Variants in ZMYND15 observed in about 807,000 individuals in gnomAD.
The protein encoded by ZMYND15 is zinc finger MYND domain-containing protein 15.
In ZMYND15, 54 loss-of-function variants were observed where a neutral mutation model predicts 81.7. The observed-to-expected ratio is 0.66, with a 90% CI of 0.53 to 0.83. The LOEUF (loss-of-function observed/expected upper bound fraction) is 0.83. Ranked by LOEUF, ZMYND15 falls within the 40% of genes least tolerant of loss-of-function variation. The probability of loss-of-function intolerance (pLI) is 0.00; values close to 1 mark genes in which losing one functional copy is unlikely to be tolerated. For missense variants in ZMYND15, 925 were observed against 973.5 expected (o/e 0.95, Z 0.66); for synonymous variants, 399 against 387.0 (o/e 1.03, Z -0.36).
rs754376043 is a variant in ZMYND15, at chr17:4,744,200, C to G, written c.1506C>G (p.Leu502=). 2 of 1,613,978 alleles carry G rather than the reference C, an allele frequency of 1.2e-6. No individual in the cohort carries two copies. The highest frequency in any genetic ancestry group is 1.3e-5 in the African/African-American group (1 of 74,894). The part of the protein sequence containing the change: ...THLVPQSFPE[L]NIQNKQSLKI... ...TGGTTTTTCACCCAGTCCCTGAGCTCAACATCCAAAACAAACAGTCACTGA... is the reference window on the plus strand; with the variant it reads ...TGGTTTTTCACCCAGTCCCTGAGCTGAACATCCAAAACAAACAGTCACTGA... The change falls in exon 9 of 14, where the codon CTC becomes CTG. Residue 502 remains leucine, a synonymous_variant. Transcript: ENST00000433935. This position sits in a 1 kb window ranked among gnomAD's most constrained non-coding sequence, Gnocchi z 4.1.
At chr17:4,741,472 A>T in intron 2 of ZMYND15, 110 bp from the exon 3 acceptor site, 1 of 1,206,364 alleles carries the variant, frequency 8.3e-7, no homozygotes, top group Non-Finnish European at 1.2e-6. Context: ...CCCTTTACTC[A>T]GTGAGGTTAC....
Position 4,740,458 on chromosome 17 carries a change from C to T in ZMYND15, c.-30-61C>T, listed in dbSNP as rs146442451. The T allele has an allele frequency of 3.9e-3, 5,562 of 1,444,310 alleles. 7 individuals are homozygous for T. The highest frequency in any genetic ancestry group is 4.6e-3 in the Non-Finnish European group (5,009 of 1,093,348). 89.5% of individuals were successfully genotyped at this position (1,444,310 alleles called of 1,614,324 possible). ...CCTACCCTCTCCCTCAATTTGTGAC[C>T]CAGCCCCAAACTCCATCATTGCTCT... On this transcript the variant is annotated intron_variant, in intron 1 of 13. Transcript: ENST00000433935.
intron 1 of ZMYND15, 90 bp from the exon 2 acceptor site, chr17:4,740,429 C>A: frequency 7.1e-7 from 1 of 1,413,646 alleles, no homozygotes; most frequent in South Asian, 1.7e-5. Context: ...AAGTGACTCT[C>A]AAACCTACCC....
At chr17:4,741,863 T>C in intron 3 of ZMYND15, 47 bp downstream of exon 3, 1 of 1,590,050 alleles carries the variant, frequency 6.3e-7, no homozygotes, top group South Asian at 1.1e-5. Flanking sequence ...GGGCCCTGGA[T>C]TCCCAAGCAC....
In ZMYND15 at chr17:4,743,399, C is replaced by G. The variant is rs200277327; in HGVS notation, c.1241C>G (p.Pro414Arg). Residue 414 changes from proline to arginine, a missense_variant, in exon 6 of 14, where the codon CCG becomes CGG. Physicochemically the swap from Pro to Arg is moderately radical, Grantham distance 103. Coordinates refer to ENST00000433935, the MANE Select transcript of ZMYND15 (RefSeq NM_001136046.3). This position sits in a 1 kb window ranked among gnomAD's most constrained non-coding sequence, Gnocchi z 4.3. ...CAGCTCAGCATGCTGATTCCAGGCCCGGGCTTCTCCAGACACCCCCGAGGC... is the reference window on the plus strand; with the variant it reads ...CAGCTCAGCATGCTGATTCCAGGCCGGGGCTTCTCCAGACACCCCCGAGGC... ...WTQLSMLIPG[P>R]GFSRHPRGNT... 1.2e-6 allele frequency: 2 copies of G among 1,614,074 alleles called. No homozygotes were observed. The highest frequency in any genetic ancestry group is 1.1e-5 in the South Asian group (1 of 91,056).
chr17:4,742,301 C>G (rs1321705363), intron 4 of ZMYND15, 30 bp from the exon 5 acceptor site: 1 of 1,611,066 alleles, frequency 6.2e-7, no homozygotes, highest in Admixed American at 1.7e-5. Context: ...GAGGTTAACA[C>G]TAGGTGCCCA....
rs748919090 is a variant in ZMYND15, at chr17:4,743,467, C to G, written c.1297+12C>G. On this transcript the variant is annotated intron_variant, in intron 6 of 13. Transcript: ENST00000433935. The surrounding 1 kb of genome is among the most constrained non-coding windows in gnomAD (Gnocchi z 4.3). ...CCTTCTTCGCGGTGGTGCGTGGGGT[C>G]TCTCCAGGCATGGGCCCCTTGGCCT... is the stretch of plus-strand genomic sequence containing the variant. 6 of 1,613,432 alleles carry G rather than the reference C, an allele frequency of 3.7e-6. No homozygotes were observed. The South Asian group carries it at 5.5e-5, about 15-fold the overall frequency.
chr17:4,743,422 G>A lies in ZMYND15; in HGVS notation c.1264G>A (p.Gly422Ser), dbSNP rs774808357. 5 of 1,614,000 alleles carry A rather than the reference G, an allele frequency of 3.1e-6. No individual in the cohort carries two copies. The East Asian group carries it at 1.1e-4, about 36-fold the overall frequency. ...PGPGFSRHPR[G>S]NTPSLSLLRG... ...CCCGGGCTTCTCCAGACACCCCCGA[G>A]GCAACACGCCATCCCTCAGCCTTCT... The change falls in exon 6 of 14, where the codon GGC becomes AGC. Residue 422 changes from glycine (G) to serine (S), a missense_variant. Physicochemically the swap from Gly to Ser is moderately conservative, Grantham distance 56. Transcript: ENST00000433935. This position sits in a 1 kb window ranked among gnomAD's most constrained non-coding sequence, Gnocchi z 4.3.
rs951940622 is a variant in ZMYND15, at chr17:4,741,753, C to T, written c.764C>T (p.Pro255Leu). 8 of 1,599,042 alleles carry T rather than the reference C, an allele frequency of 5.0e-6. No homozygotes were observed. The highest frequency in any genetic ancestry group is 6.8e-6 in the Non-Finnish European group (8 of 1,170,864). Reference protein sequence around the residue: ...YALLCHSMACPMGSGDPRKPR... With the variant: ...YALLCHSMACLMGSGDPRKPR... ...CTCCTCTGTCACAGCATGGCCTGTC[C>T]CATGGGCTCTGGGGATCCCCGAAAG... The change falls in exon 3 of 14, where the codon CCC (proline) becomes CTC (leucine). Residue 255 changes from proline to leucine, a missense_variant. Coordinates refer to ENST00000433935, the MANE Select transcript of ZMYND15 (RefSeq NM_001136046.3).
chr17:4,740,006 C>T lies in ZMYND15; in HGVS notation c.-75C>T, dbSNP rs1330388612. 3 of 985,300 alleles carry T rather than the reference C, an allele frequency of 3.0e-6. No individual in the cohort carries two copies. Among genetic ancestry groups the T allele is most frequent in the Non-Finnish European group, 3.6e-6 (3 of 829,970 alleles). 61.0% of individuals were successfully genotyped at this position (985,300 alleles called of 1,614,324 possible). ...GACGTCACAACCGCACCCGCGCACC[C>T]TCCACCGCGAGGTATTTACCTTCGA... On this transcript the variant is annotated 5_prime_UTR_variant, in exon 1 of 14. Transcript: ENST00000433935.
chr17:4,742,060 C>G lies in ZMYND15; in HGVS notation c.973C>G (p.Leu325Val). Reference sequence around the variant, plus strand: ...TCACAGGCACAGCTTTGAAGCGAAGCTGACACCTTGGTGAGCAGCCCCAAA... The same window carrying G: ...TCACAGGCACAGCTTTGAAGCGAAGGTGACACCTTGGTGAGCAGCCCCAAA... Reference protein sequence around the residue: ...VCHRHSFEAKLTPCPQCSAVL... With the variant: ...VCHRHSFEAKVTPCPQCSAVL... Residue 325 changes from leucine (L) to valine (V), a missense_variant, in exon 4 of 14, where the codon CTG becomes GTG. By Grantham distance (32) the Leu-to-Val change is conservative. Transcript: ENST00000433935. The G allele has an allele frequency of 6.2e-7, 1 of 1,614,160 alleles. No homozygotes were observed. Among genetic ancestry groups the G allele is most frequent in the South Asian group, 1.1e-5 (1 of 91,072 alleles).
rs756356618 is a variant in ZMYND15, at chr17:4,743,258, G to A, written c.1145-45G>A. 2 of 1,562,860 alleles carry A rather than the reference G, an allele frequency of 1.3e-6. No individual in the cohort carries two copies. Among genetic ancestry groups the A allele is most frequent in the South Asian group, 1.2e-5 (1 of 84,226 alleles). On this transcript the variant is annotated intron_variant, in intron 5 of 13. Coordinates refer to ENST00000433935, the MANE Select transcript of ZMYND15 (RefSeq NM_001136046.3). The surrounding 1 kb of genome is among the most constrained non-coding windows in gnomAD (Gnocchi z 4.3). ...TGTCTCAAAAAAAAAAAAATGTCTG[G>A]GGTTCTAGCCCAGCACCTCAACTCC...
At position 4,743,710 on chromosome 17, in the gene ZMYND15, G is replaced by A. The variant is rs114708068; in HGVS notation, c.1298-57G>A. 1.2e-3 allele frequency: 1,871 copies of A among 1,529,884 alleles called. 33 individuals carry two copies. The African/African-American group carries it at 0.023, about 19-fold the overall frequency. 94.8% of individuals were successfully genotyped at this position (1,529,884 alleles called of 1,614,324 possible). ...ACAGCCCCTTTGGAAGGAAGAAAGAGATGGGTCAGGTGGGGGTCTCCCTGA... is the reference window on the plus strand; with the variant it reads ...ACAGCCCCTTTGGAAGGAAGAAAGAAATGGGTCAGGTGGGGGTCTCCCTGA... On this transcript the variant is annotated intron_variant, in intron 6 of 13. Transcript: ENST00000433935. This position sits in a 1 kb window ranked among gnomAD's most constrained non-coding sequence, Gnocchi z 4.3.
At position 4,744,269 on chromosome 17, in the gene ZMYND15, G is replaced by T; in HGVS notation, c.1575G>T (p.Met525Ile). 2 of 1,614,028 alleles carry T rather than the reference G, an allele frequency of 1.2e-6. No homozygotes were observed. The highest frequency in any genetic ancestry group is 2.2e-5 in the South Asian group (2 of 91,082). Residue 525 changes from methionine to isoleucine, a missense_variant, in exon 9 of 14, where the codon ATG (methionine) becomes ATT (isoleucine). Transcript: ENST00000433935. The surrounding 1 kb of genome is among the most constrained non-coding windows in gnomAD (Gnocchi z 4.1). The part of the protein sequence containing the change: ...VEAGKEFDLV[M>I]VFWELLVLLP... ...CCGGGAAGGAGTTTGACCTTGTCAT[G>T]GTGTTTTGGGTAAGTCACCCCAGGC...
Position 4,741,605 on chromosome 17 carries a change from T to C in ZMYND15, c.616T>C (p.Cys206Arg). 1 of 1,614,124 alleles carries C rather than the reference T, an allele frequency of 6.2e-7. No homozygotes were observed. The highest frequency in any genetic ancestry group is 1.6e-4 in the Middle Eastern group (1 of 6,062). Residue 206 changes from cysteine to arginine, a missense_variant, in exon 3 of 14, where the codon TGT becomes CGT. Cys to Arg is a radical substitution (Grantham distance 180). Transcript: ENST00000433935. ...RSEAAPLHVS[C>R]LLLVTDEHGT... ...AGAGGCTGCCCCCCTGCACGTTTCCTGTCTCTTACTTGTGACGGATGAGCA... is the reference window on the plus strand; with the variant it reads ...AGAGGCTGCCCCCCTGCACGTTTCCCGTCTCTTACTTGTGACGGATGAGCA...
rs1442633787 is a variant in ZMYND15 at position 4,744,088 on chromosome 17, C to G, written c.1476C>G (p.Thr492=). Residue 492 remains threonine, a synonymous_variant, in exon 8 of 14, where the codon ACC becomes ACG. Coordinates refer to ENST00000433935, the MANE Select transcript of ZMYND15 (RefSeq NM_001136046.3). This position sits in a 1 kb window ranked among gnomAD's most constrained non-coding sequence, Gnocchi z 4.1. ...TYPLTVYYVI[T]HLVPQSFPEL... ...CGCTGACCGTGTACTACGTCATCAC[C>G]CACCTGGTGCCCCAGTCCTGTAAGG... 1.9e-6 allele frequency: 3 copies of G among 1,585,466 alleles called. No individual in the cohort carries two copies. The highest frequency in any genetic ancestry group is 2.6e-6 in the Non-Finnish European group (3 of 1,165,482).
At position 4,744,813 on chromosome 17, in the gene ZMYND15, G is replaced by A; in HGVS notation, c.1837+35G>A. 6.2e-7 allele frequency: 1 copy of A among 1,614,154 alleles called. No individual in the cohort carries two copies. The highest frequency in any genetic ancestry group is 8.5e-7 in the Non-Finnish European group (1 of 1,180,018). On this transcript the variant is annotated intron_variant, in intron 11 of 13. Coordinates refer to ENST00000433935, the MANE Select transcript of ZMYND15 (RefSeq NM_001136046.3). This position sits in a 1 kb window ranked among gnomAD's most constrained non-coding sequence, Gnocchi z 4.1. Reference sequence around the variant, plus strand: ...TGGGTCTCAGGGTTAGGCATGTGGGGAAGGTGGGAGAGAAGCCCACCGTGG... The same window carrying A: ...TGGGTCTCAGGGTTAGGCATGTGGGAAAGGTGGGAGAGAAGCCCACCGTGG...
chr17:4,740,309 A>G (rs1916332306), intron 1 of ZMYND15: 1 of 895,630 alleles, frequency 1.1e-6, no homozygotes. Context: ...GTCTTCTCCA[A>G]CCCTGGTCAC....
rs1916606021 is a variant in ZMYND15, at chr17:4,745,132, CG to C, written c.1897-81del. 2 of 1,606,986 alleles carry C rather than the reference CG, an allele frequency of 1.2e-6. No homozygotes were observed. Among genetic ancestry groups the C allele is most frequent in the African/African-American group, 1.3e-5 (1 of 74,930 alleles). On this transcript the variant is annotated intron_variant, in intron 12 of 13. Coordinates refer to ENST00000433935, the MANE Select transcript of ZMYND15 (RefSeq NM_001136046.3). The surrounding 1 kb of genome is among the most constrained non-coding windows in gnomAD (Gnocchi z 5.2). The stretch of plus-strand genomic sequence containing the variant: ...CTCCGCCCGGTCTGTCCGGGGACCT[CG>C]GCTTTCAGCCCGGTCTGTCATTCTG...
Sources: gnomAD v4.1 joint callset for allele counts on GRCh38, gnomAD v4.1.1 for gene constraint, Gnocchi (gnomAD v3.1) non-coding constraint, MANE v1.5 for transcripts, NCBI Gene and HGNC (gene_info 2026-07-23, HGNC 2026-07-21) for gene names.